NKAIN2: variants seen among roughly 807,000 people sequenced by gnomAD.
NKAIN2 encodes the protein sodium/potassium transporting ATPase interacting 2.
NKAIN2 carries 14 observed loss-of-function variants against 32.6 expected under a neutral mutation model. The ratio of observed to expected loss-of-function variants is 0.43; its 90% CI spans 0.28 to 0.67. The LOEUF (loss-of-function observed/expected upper bound fraction) is 0.67. NKAIN2 is among the 30% of genes least tolerant of loss of function. The probability of loss-of-function intolerance (pLI) is 0.17; values close to 1 mark genes in which losing one functional copy is unlikely to be tolerated. For synonymous variants in NKAIN2, 80 were observed against 87.2 expected, an observed-to-expected ratio of 0.92 and a Z score of 0.46; for missense variants, 198 against 258.3, an observed-to-expected ratio of 0.77 and a Z score of 1.60.
intron 1 of NKAIN2, among the ~76,000 whole-genome samples, chr6:124,272,544 G>A (rs190778884): frequency 6.6e-6 from 1 of 152,346 alleles, no homozygotes; most frequent in Admixed American, 6.5e-5. Context: ...CAGAGATGGA[G>A]CCATCATGGA....
intron 3 of NKAIN2, among the ~76,000 whole-genome samples, chr6:124,467,327 G>T (rs1176557661): frequency 6.6e-6 from 1 of 152,076 alleles, no homozygotes. Context: ...TTTGATGCAT[G>T]TAAGACTGAA....
At chr6:124,137,872 G>T (rs1040161466) in intron 1 of NKAIN2, among the ~76,000 whole-genome samples, 1 of 152,012 alleles carries the variant, frequency 6.6e-6, no homozygotes, top group African/African-American at 2.4e-5. Flanking sequence ...ACTCAAGATC[G>T]ATCAGTGGCC....
At chr6:123,945,937 A>G (rs4140545) in intron 1 of NKAIN2, among the ~76,000 whole-genome samples, 50,273 of 152,068 alleles carry the variant, frequency 0.33, 8,807 homozygotes, top group East Asian at 0.63. Context: ...ACTGTAATTT[A>G]TGGTAACATC....
chr6:123,972,711 A>G (rs1778397072), intron 1 of NKAIN2, among the ~76,000 whole-genome samples: 1 of 152,170 alleles, frequency 6.6e-6, no homozygotes, highest in African/African-American at 2.4e-5. Flanking sequence ...TAAAACCAAC[A>G]AACATTTTCA....
At chr6:123,955,426 G>T in intron 1 of NKAIN2, among the ~76,000 whole-genome samples, 1 of 151,584 alleles carries the variant, frequency 6.6e-6, no homozygotes, top group East Asian at 1.9e-4. Flanking sequence ...ATGTTCAATT[G>T]CTTAGAATTT....
At chr6:123,847,878 C>A (rs78882979) in intron 1 of NKAIN2, among the ~76,000 whole-genome samples, 4,708 of 152,188 alleles carry the variant, frequency 0.031, 189 homozygotes, top group African/African-American at 0.091. Flanking sequence ...TGAGAATCTT[C>A]TGTCTTTAAA....
intron 1 of NKAIN2, among the ~76,000 whole-genome samples, chr6:123,921,143 C>T (rs987828307): frequency 7.2e-5 from 11 of 152,116 alleles, no homozygotes; most frequent in East Asian, 1.9e-4. Flanking sequence ...AATGAGAGAA[C>T]GCAATAGTGA....
chr6:123,940,784 A>G (rs1776780989), intron 1 of NKAIN2, among the ~76,000 whole-genome samples: 1 of 152,050 alleles, frequency 6.6e-6, no homozygotes, highest in African/African-American at 2.4e-5. Flanking sequence ...AAGGCCTAGG[A>G]CATTACTGTA....
At chr6:123,806,649 A>C (rs537368434) in intron 1 of NKAIN2, among the ~76,000 whole-genome samples, 2 of 152,184 alleles carry the variant, frequency 1.3e-5, no homozygotes, top group South Asian at 4.1e-4. Context: ...AGGTTTCTAG[A>C]CTAAGTTATG....
At chr6:124,350,073 A>T (rs1427009023) in intron 2 of NKAIN2, among the ~76,000 whole-genome samples, 1 of 152,232 alleles carries the variant, frequency 6.6e-6, no homozygotes, top group East Asian at 1.9e-4. Flanking sequence ...AAACAAAATT[A>T]GTTTTATAGC....
At chr6:124,101,844 G>T (rs543001101) in intron 1 of NKAIN2, among the ~76,000 whole-genome samples, 16 of 152,300 alleles carry the variant, frequency 1.1e-4, no homozygotes, top group Middle Eastern at 3.4e-3. Flanking sequence ...GCTCAGTGAG[G>T]CAGGGAGAGG....
intron 4 of NKAIN2, among the ~76,000 whole-genome samples, chr6:124,785,452 T>G (rs1342904459): frequency 6.6e-6 from 1 of 152,148 alleles, no homozygotes; most frequent in African/African-American, 2.4e-5. Flanking sequence ...TTGGTATGAT[T>G]AGTAATTTTT....
chr6:124,633,579 T>C (rs911050480), intron 3 of NKAIN2, among the ~76,000 whole-genome samples: 1 of 152,220 alleles, frequency 6.6e-6, no homozygotes, highest in African/African-American at 2.4e-5. Flanking sequence ...TGGTCATGTT[T>C]CCATAAATTA....
intron 1 of NKAIN2, among the ~76,000 whole-genome samples, chr6:124,043,414 T>C (rs927859231): frequency 3.9e-5 from 6 of 152,058 alleles, no homozygotes; most frequent in African/African-American, 1.4e-4. Flanking sequence ...TAAAACGTTC[T>C]CAGATTGTCC....
chr6:124,579,017 G>A (rs1159859811), intron 3 of NKAIN2, among the ~76,000 whole-genome samples: 1 of 152,192 alleles, frequency 6.6e-6, no homozygotes, highest in Non-Finnish European at 1.5e-5. Flanking sequence ...GTTTGCGCAA[G>A]CCACAGCATT....
intron 3 of NKAIN2, among the ~76,000 whole-genome samples, chr6:124,519,194 C>A (rs1316968841): frequency 6.6e-6 from 1 of 151,978 alleles, no homozygotes; most frequent in African/African-American, 2.4e-5. Context: ...AAAGATTGAA[C>A]AAAACAGGAA....
intron 2 of NKAIN2, among the ~76,000 whole-genome samples, chr6:124,348,926 C>T (rs1249040817): frequency 2.0e-5 from 3 of 152,152 alleles, no homozygotes; most frequent in African/African-American, 7.2e-5. Context: ...GCTTAAAAAA[C>T]GGTGCACCAG....
At chr6:124,450,150 T>TA (rs748148843) in intron 3 of NKAIN2, among the ~76,000 whole-genome samples, 64 of 152,222 alleles carry the variant, frequency 4.2e-4, no homozygotes, top group Admixed American at 9.8e-4. Flanking sequence ...CAGTATTGTT[T>TA]TCATCCTTTC....
chr6:124,757,605 T>C (rs1778026745), intron 4 of NKAIN2, among the ~76,000 whole-genome samples: 1 of 151,928 alleles, frequency 6.6e-6, no homozygotes, highest in South Asian at 2.1e-4. Context: ...GTCTGTAGAA[T>C]TAAAACAGGC....
Sources: gnomAD v4.1 joint callset for allele counts (sites outside exome capture counted in the v4.1 genomes callset) on GRCh38, gnomAD v4.1.1 for gene constraint, MANE v1.5 for transcripts, NCBI Gene and HGNC (gene_info 2026-07-23, HGNC 2026-07-21) for gene names.